Variants in CNTNAP2 observed in about 807,000 individuals in gnomAD.
CNTNAP2 encodes contactin-associated protein-like 2.
A neutral mutation model predicts 155.2 loss-of-function variants in CNTNAP2; 98 were observed. The ratio of observed to expected loss-of-function variants is 0.63; its 90% CI spans 0.54 to 0.75. The LOEUF is 0.75. CNTNAP2 is among the 30% of genes least tolerant of loss of function. The pLI is 0.00. For missense variants in CNTNAP2, 1,727 were observed against 1,688.1 expected (o/e 1.02, Z -0.40); for synonymous variants, 651 against 631.2 (o/e 1.03, Z -0.47).
At chr7:148,045,424 C>T (rs1013063216) in intron 15 of CNTNAP2, among the ~76,000 whole-genome samples, 10 of 151,718 alleles carry the variant, frequency 6.6e-5, no homozygotes, top group South Asian at 2.1e-4. Context: ...GTCCATGCAG[C>T]GGGAGGGGTC....
At chr7:146,656,177 G>C (rs73470669) in intron 1 of CNTNAP2, among the ~76,000 whole-genome samples, 7,015 of 152,220 alleles carry the variant, frequency 0.046, 538 homozygotes, top group African/African-American at 0.16. Context: ...CAACGTTTAT[G>C]GTCTTTTGGC....
intron 4 of CNTNAP2, among the ~76,000 whole-genome samples, chr7:147,087,228 T>C (rs1800297132): frequency 6.6e-6 from 1 of 152,182 alleles, no homozygotes; most frequent in Non-Finnish European, 1.5e-5. Context: ...TTAAGTATCA[T>C]TAGATACAGT....
At chr7:147,101,732 C>T (rs1410281191) in intron 4 of CNTNAP2, among the ~76,000 whole-genome samples, 2 of 152,064 alleles carry the variant, frequency 1.3e-5, no homozygotes, top group Non-Finnish European at 2.9e-5. Flanking sequence ...ATCTGACTGT[C>T]CCCAGCCAAA....
intron 8 of CNTNAP2, among the ~76,000 whole-genome samples, chr7:147,229,054 T>TAG (rs370388151): frequency 0.02 from 3,005 of 151,626 alleles, 44 homozygotes; most frequent in African/African-American, 0.043. Context: ...TATATATATA[T>TAG]ATAGAGAGAG....
At chr7:147,997,911 C>T (rs970064005) in intron 15 of CNTNAP2, among the ~76,000 whole-genome samples, 10 of 152,000 alleles carry the variant, frequency 6.6e-5, no homozygotes, top group Non-Finnish European at 1.2e-4. Context: ...GTATTTTATA[C>T]CATTATAATG....
chr7:146,270,377 C>G (rs1011276729), intron 1 of CNTNAP2, among the ~76,000 whole-genome samples: 1 of 152,068 alleles, frequency 6.6e-6, no homozygotes, highest in African/African-American at 2.4e-5. Flanking sequence ...ATTGAGTGGC[C>G]CTTCCACCAG....
At chr7:146,458,311 G>A (rs77206665) in intron 1 of CNTNAP2, among the ~76,000 whole-genome samples, 10,857 of 151,834 alleles carry the variant, frequency 0.072, 426 homozygotes, top group Non-Finnish European at 0.086. Flanking sequence ...AAAAGTTGAT[G>A]ACAAAGAAAA....
At chr7:147,078,656 G>A (rs73469045) in intron 4 of CNTNAP2, among the ~76,000 whole-genome samples, 10,883 of 151,834 alleles carry the variant, frequency 0.072, 983 homozygotes, top group African/African-American at 0.22. Context: ...CACAGACAAC[G>A]TTATTTGGTA....
intron 15 of CNTNAP2, among the ~76,000 whole-genome samples, chr7:148,020,174 T>G (rs1802255712): frequency 6.6e-6 from 1 of 152,236 alleles, no homozygotes; most frequent in African/African-American, 2.4e-5. Flanking sequence ...TACCTCATCA[T>G]CAGCAGTACA....
At chr7:147,917,536 G>A (rs1352767196) in intron 14 of CNTNAP2, among the ~76,000 whole-genome samples, 1 of 152,174 alleles carries the variant, frequency 6.6e-6, no homozygotes, top group Non-Finnish European at 1.5e-5. Flanking sequence ...AGGAAAGAGA[G>A]CATGCCTTTT....
chr7:146,931,707 AAAAG>A (rs1318352965), intron 3 of CNTNAP2, among the ~76,000 whole-genome samples: 7 of 147,854 alleles, frequency 4.7e-5, no homozygotes, highest in Admixed American at 2.7e-4. Context: ...AATAAAGAAA[AAAAG>A]AGAGAAGAAT....
intron 1 of CNTNAP2, among the ~76,000 whole-genome samples, chr7:146,554,309 T>A (rs1481844174): frequency 6.6e-6 from 1 of 152,164 alleles, no homozygotes; most frequent in Non-Finnish European, 1.5e-5. Flanking sequence ...GTGGAAATCA[T>A]TTTTCAGCCT....
chr7:147,156,251 G>A (rs942971362), intron 8 of CNTNAP2, among the ~76,000 whole-genome samples: 1 of 152,128 alleles, frequency 6.6e-6, no homozygotes, highest in Non-Finnish European at 1.5e-5. Flanking sequence ...TCCATTGATA[G>A]GTTAAAACTC....
intron 20 of CNTNAP2, among the ~76,000 whole-genome samples, chr7:148,264,265 CATAAT>C (rs1796627824): frequency 6.6e-6 from 1 of 152,064 alleles, no homozygotes; most frequent in African/African-American, 2.4e-5. Flanking sequence ...ATATACAAAA[CATAAT>C]ATGTGTTAGT....
intron 11 of CNTNAP2, among the ~76,000 whole-genome samples, chr7:147,523,049 C>T (rs1799258010): frequency 6.6e-6 from 1 of 152,166 alleles, no homozygotes; most frequent in East Asian, 1.9e-4. Flanking sequence ...AGATTTCAGG[C>T]ACAGCTTAGC....
At chr7:147,205,750 A>G (rs1603457) in intron 8 of CNTNAP2, among the ~76,000 whole-genome samples, 71,623 of 151,760 alleles carry the variant, frequency 0.47, 17,588 homozygotes, top group Middle Eastern at 0.64. Context: ...GGGAAGGGAA[A>G]GAGGAGAAGG....
chr7:146,191,576 G>C (rs1798705925), intron 1 of CNTNAP2, among the ~76,000 whole-genome samples: 1 of 152,098 alleles, frequency 6.6e-6, no homozygotes, highest in African/African-American at 2.4e-5. Flanking sequence ...CGGGAGACCA[G>C]GGCTTATTTC....
chr7:146,891,554 C>A (rs1252748454), intron 3 of CNTNAP2, among the ~76,000 whole-genome samples: 1 of 152,112 alleles, frequency 6.6e-6, no homozygotes, highest in East Asian at 1.9e-4. Flanking sequence ...CATGAAATAT[C>A]AGCTCTGTGT....
intron 8 of CNTNAP2, among the ~76,000 whole-genome samples, chr7:147,173,806 A>G (rs1802280822): frequency 6.6e-6 from 1 of 152,168 alleles, no homozygotes; most frequent in African/African-American, 2.4e-5. Flanking sequence ...CCCGGGAAGC[A>G]AGGGGACTCT....
Sources: gnomAD v4.1 joint callset for allele counts (sites outside exome capture counted in the v4.1 genomes callset) on GRCh38, gnomAD v4.1.1 for gene constraint, MANE v1.5 for transcripts, NCBI Gene and HGNC (gene_info 2026-07-23, HGNC 2026-07-21) for gene names.